Variants in CDH18 observed in about 807,000 individuals in gnomAD.
The protein encoded by CDH18 is cadherin 18.
A neutral mutation model predicts 67.9 loss-of-function variants in CDH18; 31 were observed. The observed-to-expected ratio is 0.46, with a 90% CI of 0.34 to 0.62. The LOEUF (loss-of-function observed/expected upper bound fraction) is 0.62. Ranked by LOEUF, CDH18 falls within the 20% of genes least tolerant of loss-of-function variation. The probability of loss-of-function intolerance (pLI) is 0.01; values close to 1 mark genes in which losing one functional copy is unlikely to be tolerated. For synonymous variants in CDH18, 362 were observed against 347.2 expected, an observed-to-expected ratio of 1.04 and a Z score of -0.48; for missense variants, 890 against 975.5, an observed-to-expected ratio of 0.91 and a Z score of 1.17.
intron 3 of CDH18, among the ~76,000 whole-genome samples, chr5:19,780,268 T>A (rs1247623573): frequency 6.6e-6 from 1 of 152,124 alleles, no homozygotes; most frequent in Non-Finnish European, 1.5e-5. Flanking sequence ...TATTAGATCT[T>A]GAACCTAACT....
intron 3 of CDH18, among the ~76,000 whole-genome samples, chr5:19,823,411 T>G (rs1468484779): frequency 6.6e-6 from 1 of 152,198 alleles, no homozygotes; most frequent in Non-Finnish European, 1.5e-5. Flanking sequence ...AAAGTATTAA[T>G]TTGGGAAACT....
chr5:20,517,579 A>T (rs921658352), intron 1 of CDH18, among the ~76,000 whole-genome samples: 1 of 152,092 alleles, frequency 6.6e-6, no homozygotes, highest in South Asian at 2.1e-4. Context: ...GTTCCCTTTC[A>T]TGTATTTACT....
At chr5:19,584,808 AAAAAG>A (rs1284343212) in intron 7 of CDH18, among the ~76,000 whole-genome samples, 21 of 147,572 alleles carry the variant, frequency 1.4e-4, no homozygotes, top group African/African-American at 3.5e-4. Context: ...AAAAAAAAAA[AAAAAG>A]AAAAAAAGAA....
At chr5:19,735,638 T>G (rs1768213583) in intron 4 of CDH18, among the ~76,000 whole-genome samples, 1 of 151,368 alleles carries the variant, frequency 6.6e-6, no homozygotes, top group Admixed American at 6.6e-5. Context: ...CTCATGATCC[T>G]CCCGCCTCGG....
At chr5:20,555,153 A>G (rs899990889) in intron 1 of CDH18, among the ~76,000 whole-genome samples, 2 of 152,296 alleles carry the variant, frequency 1.3e-5, no homozygotes, top group Admixed American at 6.5e-5. Flanking sequence ...AAGAAAAGGA[A>G]GAGAGACCAG....
chr5:20,177,863 T>C (rs1737364365), intron 2 of CDH18, among the ~76,000 whole-genome samples: 1 of 152,120 alleles, frequency 6.6e-6, no homozygotes, highest in African/African-American at 2.4e-5. Flanking sequence ...CTGCCATCCA[T>C]GTAAGTCGTG....
chr5:19,841,378 G>A (rs1371712306), intron 2 of CDH18, among the ~76,000 whole-genome samples: 1 of 151,934 alleles, frequency 6.6e-6, no homozygotes, highest in African/African-American at 2.4e-5. Context: ...TTTATTTTTT[G>A]ATAGTTTACT....
intron 5 of CDH18, among the ~76,000 whole-genome samples, chr5:19,682,592 G>C (rs1760489492): frequency 6.6e-6 from 1 of 152,000 alleles, no homozygotes; most frequent in Non-Finnish European, 1.5e-5. Flanking sequence ...CCCAGCTCCA[G>C]GAAGCAGAGG....
intron 2 of CDH18, among the ~76,000 whole-genome samples, chr5:20,115,590 C>T (rs1747837975): frequency 6.6e-6 from 1 of 151,888 alleles, no homozygotes; most frequent in Admixed American, 6.6e-5. Context: ...CCCCAAAGGC[C>T]CTACCTCCTA....
At chr5:19,597,222 G>C (rs1214213673) in intron 6 of CDH18, among the ~76,000 whole-genome samples, 2 of 152,154 alleles carry the variant, frequency 1.3e-5, no homozygotes, top group Non-Finnish European at 2.9e-5. Context: ...CCTCCACTGA[G>C]GTAAGCCTTT....
At chr5:19,482,273 C>A (rs780661115) in intron 12 of CDH18, among the ~76,000 whole-genome samples, 38 of 151,960 alleles carry the variant, frequency 2.5e-4, no homozygotes, top group Non-Finnish European at 4.3e-4. Flanking sequence ...CTGCCACCAC[C>A]CCTGGCTAAT....
chr5:19,697,481 T>C (rs1421437314), intron 5 of CDH18, among the ~76,000 whole-genome samples: 1 of 152,186 alleles, frequency 6.6e-6, no homozygotes, highest in Non-Finnish European at 1.5e-5. Context: ...AAGAATTTCA[T>C]TTTAAAACTC....
rs553723574 is a variant in CDH18 at position 20,423,946 on chromosome 5, C to CAAAAAAAA, written c.-580+151508_-580+151515dup. ...TGGGCGACTGAGCGAGACTCCGTCT[C>CAAAAAAAA]AAAAAAAAAAAAAAAAAAAAAAAAA... On this transcript the variant is annotated intron_variant, in intron 1 of 14. Transcript: ENST00000507958. Among the ~76,000 whole-genome samples the CAAAAAAAA allele has an allele frequency of 2.7e-3, 175 of 63,806 alleles. 12 individuals are homozygous for CAAAAAAAA. The highest frequency in any genetic ancestry group is 0.015 in the African/African-American group (164 of 11,182). 41.9% of individuals were successfully genotyped at this position (63,806 alleles called of 152,430 possible).
chr5:19,885,455 A>T (rs1788093429), intron 2 of CDH18, among the ~76,000 whole-genome samples: 1 of 152,212 alleles, frequency 6.6e-6, no homozygotes, highest in East Asian at 1.9e-4. Context: ...ATTAGGTTTT[A>T]TATTAGTGTA....
chr5:19,601,983 A>G lies in CDH18; in HGVS notation c.811+10451T>C, dbSNP rs1409739152. 3.9e-5 allele frequency among the ~76,000 whole-genome samples: 6 copies of G among 152,156 alleles called. No homozygotes were observed. The South Asian group carries it at 6.2e-4, about 16-fold the overall frequency. On this transcript the variant is annotated intron_variant, in intron 6 of 12. Transcript: ENST00000382275. ...AATAGAAGCCATATGTTAAAACCCC[A>G]CAACTAATATCACTAAAATGGTGAA...
rs373829512 is a variant in CDH18, at chr5:20,357,974, A to G, written c.-579-102469T>C. 3.0e-3 allele frequency among the ~76,000 whole-genome samples: 450 copies of G among 152,316 alleles called. 1 individual carries two copies. Among genetic ancestry groups the G allele is most frequent in the African/African-American group, 0.01 (434 of 41,576 alleles). ...CCATGGAGTACTATGCAGCCATAAA[A>G]AATGAAATCATGTCCTTTGCAGCAA... On this transcript the variant is annotated intron_variant, in intron 1 of 14. Coordinates refer to the CDH18 transcript ENST00000507958.
chr5:19,549,424 A>G (rs1196770618), intron 8 of CDH18, among the ~76,000 whole-genome samples: 1 of 152,190 alleles, frequency 6.6e-6, no homozygotes, highest in Non-Finnish European at 1.5e-5. Flanking sequence ...TCATGAGCCA[A>G]TTAACCTCTT....
At chr5:19,553,108 C>T (rs1376567732) in intron 8 of CDH18, among the ~76,000 whole-genome samples, 2 of 152,130 alleles carry the variant, frequency 1.3e-5, no homozygotes, top group Admixed American at 6.5e-5. Flanking sequence ...TTTTCTTCCA[C>T]AGAAACTACT....
At chr5:20,304,182 C>T (rs889678260) in intron 1 of CDH18, 3 of 1,519,950 alleles carry the variant, frequency 2.0e-6, no homozygotes, top group Non-Finnish European at 2.7e-6. Context: ...ACAATAAAAA[C>T]GTTATTTTTC....
Sources: allele counts gnomAD v4.1 joint callset (sites outside exome capture counted in the v4.1 genomes callset), GRCh38; gene constraint gnomAD v4.1.1; transcripts MANE v1.5; gene names NCBI Gene and HGNC (gene_info 2026-07-23, HGNC 2026-07-21).